Variants in PRDM1 observed in about 807,000 individuals in gnomAD.
PRDM1 encodes the protein PR domain zinc finger protein 1.
PRDM1 carries 13 observed loss-of-function variants against 62.8 expected under a neutral mutation model. The observed-to-expected ratio is 0.21, with a 90% CI of 0.13 to 0.33. The LOEUF is 0.33. Ranked by LOEUF, PRDM1 falls within the 10% of genes least tolerant of loss-of-function variation. PRDM1 has a pLI of 1.00. For missense variants in PRDM1, 895 were observed against 1,058.8 expected, an observed-to-expected ratio of 0.85 and a Z score of 2.15; for synonymous variants, 396 against 417.6, an observed-to-expected ratio of 0.95 and a Z score of 0.63.
In PRDM1 at chr6:106,108,521, C is replaced by CTT. The variant is rs5878868; in HGVS notation, c.*1055_*1056dup. ...GGTGTTTTGTTGTTGGTTTTTGTTG[C>CTT]TTTTTTTTTTTTTTTTTTTTTAATG... is the stretch of plus-strand genomic sequence containing the variant. On this transcript the variant is annotated 3_prime_UTR_variant, in exon 7 of 7. Transcript: ENST00000369096. 5,195 of 144,962 alleles carry CTT rather than the reference C, an allele frequency of 0.036. 490 individuals are homozygous for CTT. The highest frequency in any genetic ancestry group is 0.14 in the African/African-American group (3,357 of 23,740). 9.0% of individuals were successfully genotyped at this position (144,962 alleles called of 1,614,324 possible).
Position 106,010,124 on chromosome 6 carries a change from A to G in PRDM1, c.-67+16485A>G, listed in dbSNP as rs182485465. ...AGATGTGCCCAGTTCCCCTCTCTGCAGAGTATGGTAAGCTTGGCGTAGGGC... is the reference window on the plus strand; with the variant it reads ...AGATGTGCCCAGTTCCCCTCTCTGCGGAGTATGGTAAGCTTGGCGTAGGGC... On this transcript the variant is annotated intron_variant, in intron 1 of 6. Coordinates refer to the PRDM1 transcript ENST00000652320. Among the ~76,000 whole-genome samples, 51 of 152,304 alleles carry G rather than the reference A, an allele frequency of 3.3e-4. 1 individual carries two copies. The East Asian group carries it at 7.9e-3, about 24-fold the overall frequency.
At position 106,107,936 on chromosome 6, in the gene PRDM1, T is replaced by C. The variant is rs184297638; in HGVS notation, c.*450T>C. 37 of 232,520 alleles carry C rather than the reference T, an allele frequency of 1.6e-4. No individual in the cohort carries two copies. Among genetic ancestry groups the C allele is most frequent in the African/African-American group, 7.3e-4 (33 of 45,406 alleles). The allele number at this position is 232,520 out of a possible 1,614,324, so 14.4% of individuals were successfully genotyped here. Reference sequence around the variant, plus strand: ...AGATTCCTTGTAATTTGAGTATAAATGTATTTTTGTCTTGTGGCCATTCTT... The same window carrying C: ...AGATTCCTTGTAATTTGAGTATAAACGTATTTTTGTCTTGTGGCCATTCTT... On this transcript the variant is annotated 3_prime_UTR_variant, in exon 7 of 7. Coordinates refer to ENST00000369096, the MANE Select transcript of PRDM1 (RefSeq NM_001198.4).
At chr6:106,076,077 G>A (rs967701293) in intron 1 of PRDM1, among the ~76,000 whole-genome samples, 15 of 151,308 alleles carry the variant, frequency 9.9e-5, no homozygotes, top group Middle Eastern at 3.2e-3. Flanking sequence ...TCAGCCTCCC[G>A]AGTAGCTGGG....
intron 1 of PRDM1, among the ~76,000 whole-genome samples, chr6:106,038,570 A>G (rs1772952850): frequency 6.6e-6 from 1 of 152,162 alleles, no homozygotes; most frequent in Non-Finnish European, 1.5e-5. Context: ...GAGGAGGAGG[A>G]CCTTGTAATA....
At chr6:106,053,773 A>G (rs1248407292) in intron 1 of PRDM1, among the ~76,000 whole-genome samples, 3 of 152,038 alleles carry the variant, frequency 2.0e-5, no homozygotes, top group Admixed American at 6.6e-5. Flanking sequence ...TGTCTTGGCT[A>G]ATGTCCTTTT....
At chr6:106,050,696 G>A (rs994797587) in intron 1 of PRDM1, among the ~76,000 whole-genome samples, 1 of 152,142 alleles carries the variant, frequency 6.6e-6, no homozygotes, top group Non-Finnish European at 1.5e-5. Context: ...TATGCTAGAT[G>A]TCTTACACAG....
At chr6:106,009,752 C>T (rs373039871) in intron 1 of PRDM1, among the ~76,000 whole-genome samples, 3 of 152,046 alleles carry the variant, frequency 2.0e-5, no homozygotes, top group African/African-American at 4.8e-5. Flanking sequence ...GAGTCTTGCT[C>T]CATTGCCCAG....
At chr6:106,085,396 TC>T (rs1259094782), upstream of PRDM1, among the ~76,000 whole-genome samples, 2 of 152,226 alleles carry the variant, frequency 1.3e-5, no homozygotes, top group African/African-American at 4.8e-5. Flanking sequence ...ATTAAAGGAT[TC>T]CTTGCTGAAG....
chr6:106,056,540 A>T (rs1190341204), intron 1 of PRDM1, among the ~76,000 whole-genome samples: 2 of 152,204 alleles, frequency 1.3e-5, no homozygotes, highest in Non-Finnish European at 2.9e-5. Flanking sequence ...CACACAACCG[A>T]CTCAGAAACA....
At chr6:106,017,877 G>A (rs1467124595) in intron 1 of PRDM1, among the ~76,000 whole-genome samples, 2 of 152,156 alleles carry the variant, frequency 1.3e-5, no homozygotes, top group Admixed American at 1.3e-4. Context: ...GGGTCAGGGG[G>A]AGTGTGGGTG....
At chr6:106,031,870 G>A (rs994715266) in intron 1 of PRDM1, among the ~76,000 whole-genome samples, 2 of 152,040 alleles carry the variant, frequency 1.3e-5, no homozygotes, top group Non-Finnish European at 2.9e-5. Flanking sequence ...TGGAGTGAGA[G>A]TCTGATCTTC....
At chr6:106,098,699 C>T (rs1463661181) in intron 3 of PRDM1, 2 of 1,377,010 alleles carry the variant, frequency 1.5e-6, no homozygotes, top group Admixed American at 2.2e-5. Context: ...CACCTTTGCC[C>T]CACCCAGTGT....
At chr6:106,015,649 A>G (rs941510849) in intron 1 of PRDM1, among the ~76,000 whole-genome samples, 2 of 152,142 alleles carry the variant, frequency 1.3e-5, no homozygotes, top group Admixed American at 6.6e-5. Flanking sequence ...ACTTCTCCCT[A>G]TTTATCTGTT....
chr6:106,043,017 A>G (rs916659520), intron 1 of PRDM1, among the ~76,000 whole-genome samples: 4 of 151,948 alleles, frequency 2.6e-5, no homozygotes, highest in Admixed American at 6.6e-5. Context: ...CGCCCGGCTA[A>G]TTTTTGTATT....
intron 2 of PRDM1, among the ~76,000 whole-genome samples, chr6:106,090,267 A>G (rs1773928077): frequency 6.6e-6 from 1 of 152,184 alleles, no homozygotes; most frequent in African/African-American, 2.4e-5. Context: ...TTCCCTCTGA[A>G]TGTATAACTT....
chr6:106,024,819 T>C (rs1045857123), intron 1 of PRDM1, among the ~76,000 whole-genome samples: 1 of 152,162 alleles, frequency 6.6e-6, no homozygotes, highest in Admixed American at 6.5e-5. Flanking sequence ...CTGAAATCCC[T>C]CTTTTTCCTT....
intron 1 of PRDM1, among the ~76,000 whole-genome samples, chr6:106,062,778 A>G (rs959461925): frequency 2.6e-5 from 4 of 152,224 alleles, no homozygotes; most frequent in Admixed American, 2.6e-4. Context: ...AGGACTACTA[A>G]TGTGTTCAGA....
chr6:106,095,344 A>G (rs532834842), intron 2 of PRDM1, among the ~76,000 whole-genome samples: 112 of 152,360 alleles, frequency 7.4e-4, no homozygotes, highest in Non-Finnish European at 1.0e-4. Context: ...AAGTAATGAT[A>G]AAAATAAAAG....
chr6:106,069,434 G>A (rs1384201116), intron 1 of PRDM1, among the ~76,000 whole-genome samples: 1 of 152,158 alleles, frequency 6.6e-6, no homozygotes, highest in African/African-American at 2.4e-5. Flanking sequence ...TAGCACTTAG[G>A]GAAGATATAT....
Sources: gnomAD v4.1 joint callset for allele counts (sites outside exome capture counted in the v4.1 genomes callset) on GRCh38, gnomAD v4.1.1 for gene constraint, MANE v1.5 for transcripts, NCBI Gene and HGNC (gene_info 2026-07-23, HGNC 2026-07-21) for gene names.